The following EXOC2 variants were observed in gnomAD, a reference collection of about 807,000 sequenced individuals.
The protein encoded by EXOC2 is exocyst complex component 2.
In EXOC2, 70 loss-of-function variants were observed where a neutral mutation model predicts 131.8. That is an observed-to-expected ratio of 0.53 (90% CI 0.44 to 0.65). The LOEUF (loss-of-function observed/expected upper bound fraction) is 0.65, where lower values mean the gene tolerates loss of function less well. Among genes scored for constraint, EXOC2 ranks in the 30% least tolerant of loss-of-function variants. EXOC2 has a pLI of 0.00. For synonymous variants in EXOC2, 411 were observed against 398.4 expected (o/e 1.03, Z -0.38); for missense variants, 923 against 1,108.6 (o/e 0.83, Z 2.38).
At chr6:537,942 A>C (rs936358962) in intron 22 of EXOC2, among the ~76,000 whole-genome samples, 2 of 152,222 alleles carry the variant, frequency 1.3e-5, no homozygotes, top group Non-Finnish European at 2.9e-5. Context: ...ACAGGGCACA[A>C]GGGAAGGTTT....
At chr6:631,913 G>A (rs796784614) in intron 3 of EXOC2, among the ~76,000 whole-genome samples, 12 of 152,204 alleles carry the variant, frequency 7.9e-5, no homozygotes, top group African/African-American at 2.6e-4. Flanking sequence ...AATTTGTGGA[G>A]AACAATGCTG....
intron 25 of EXOC2, 31 bp downstream of exon 25, chr6:497,336 A>C: frequency 1.3e-6 from 2 of 1,596,658 alleles, no homozygotes; most frequent in Non-Finnish European, 1.7e-6. Context: ...TAACAACAGA[A>C]GTTCAATATG....
chr6:652,423 T>C (rs1762875643), intron 1 of EXOC2, among the ~76,000 whole-genome samples: 1 of 152,178 alleles, frequency 6.6e-6, no homozygotes, highest in Non-Finnish European at 1.5e-5. Flanking sequence ...GTTTAAGTGT[T>C]TTATCACCAA....
At chr6:541,029 CG>C (rs1397807109) in intron 22 of EXOC2, among the ~76,000 whole-genome samples, 1 of 152,154 alleles carries the variant, frequency 6.6e-6, no homozygotes, top group African/African-American at 2.4e-5. Flanking sequence ...GTATCCAAAA[CG>C]TAAGGACACG....
chr6:537,303 AGC>A (rs1766512200), intron 22 of EXOC2, among the ~76,000 whole-genome samples: 1 of 150,740 alleles, frequency 6.6e-6, no homozygotes, highest in African/African-American at 2.5e-5. Context: ...CAGCCGACGG[AGC>A]GCACACACGA....
intron 21 of EXOC2, 141 bp from the exon 22 acceptor site, chr6:549,432 C>T (rs1757032614): frequency 1.7e-6 from 1 of 597,340 alleles, no homozygotes; most frequent in African/African-American, 1.9e-5. Flanking sequence ...GCTTCTTTCC[C>T]AATATTATAA....
intron 13 of EXOC2, among the ~76,000 whole-genome samples, chr6:567,430 C>T (rs947267121): frequency 7.5e-4 from 114 of 152,236 alleles, no homozygotes; most frequent in African/African-American, 2.5e-3. Context: ...TCTTACAACC[C>T]TATTTGTTTC....
Position 690,429 on chromosome 6 carries a change from G to A in EXOC2, c.-44+2590C>T, listed in dbSNP as rs541567666. Among the ~76,000 whole-genome samples, 5 of 152,278 alleles carry A rather than the reference G, an allele frequency of 3.3e-5. No homozygotes were observed. The South Asian group carries it at 1.0e-3, about 32-fold the overall frequency. The stretch of plus-strand genomic sequence containing the variant: ...ATCGCTTTAAGATTCATAATTTCCC[G>A]GCCCGGCGCAGGGGTTCACGCCTGT... On this transcript the variant is annotated intron_variant, in intron 1 of 27. Coordinates refer to ENST00000230449, the MANE Select transcript of EXOC2 (RefSeq NM_018303.6).
rs1763028011 is a variant in EXOC2 at position 486,100 on chromosome 6, T to G, written c.*571A>C. The G allele has an allele frequency of 6.6e-6, 1 of 152,168 alleles. No homozygotes were observed. Among genetic ancestry groups the G allele is most frequent in the Admixed American group, 6.5e-5 (1 of 15,270 alleles). The allele number at this position is 152,168 out of a possible 1,614,324, so 9.4% of individuals were successfully genotyped here. On this transcript the variant is annotated 3_prime_UTR_variant, in exon 28 of 28. Transcript: ENST00000230449. ...TCACAGACACCTGGACCACAAATAA[T>G]CTACCCCAGTTGTAATATGTATTTT...
chr6:536,624 T>C (rs1766459446), intron 22 of EXOC2, among the ~76,000 whole-genome samples: 1 of 152,188 alleles, frequency 6.6e-6, no homozygotes, highest in African/African-American at 2.4e-5. Flanking sequence ...GGAAGACTCA[T>C]ACTACTTGAT....
chr6:507,088 C>CCA (rs1764581268), intron 23 of EXOC2, among the ~76,000 whole-genome samples: 1 of 135,008 alleles, frequency 7.4e-6, no homozygotes, highest in Non-Finnish European at 1.6e-5. Context: ...ACAGCAGTGA[C>CCA]TACATACACA....
chr6:632,308 G>A (rs1044418732), intron 3 of EXOC2, among the ~76,000 whole-genome samples: 2 of 152,196 alleles, frequency 1.3e-5, no homozygotes, highest in Non-Finnish European at 2.9e-5. Context: ...CATGGTAAGA[G>A]AGTCCAGGTT....
rs376119285 is a variant in EXOC2 at position 658,647 on chromosome 6, A to G, written c.-43-20786T>C. On this transcript the variant is annotated intron_variant, in intron 1 of 27. Transcript: ENST00000230449. Reference sequence around the variant, plus strand: ...TATTTAAAATATATATATATATTTTATATATATATATATATATATTTTTTT... The same window carrying G: ...TATTTAAAATATATATATATATTTTGTATATATATATATATATATTTTTTT... Among the ~76,000 whole-genome samples, 535 of 70,132 alleles carry G rather than the reference A, an allele frequency of 7.6e-3. 10 individuals carry two copies. The highest frequency in any genetic ancestry group is 0.012 in the Non-Finnish European group (400 of 32,386). 46.0% of individuals were successfully genotyped at this position (70,132 alleles called of 152,430 possible). A position where few individuals can be genotyped will look rare whatever the true frequency, so the allele number is the denominator to read the frequency against.
At chr6:494,477 A>G (rs1191875193) in intron 25 of EXOC2, among the ~76,000 whole-genome samples, 1 of 151,832 alleles carries the variant, frequency 6.6e-6, no homozygotes, top group Non-Finnish European at 1.5e-5. Flanking sequence ...TACATACTAC[A>G]CAACAGACAA....
At chr6:599,341 C>CA (rs1481951811) in intron 7 of EXOC2, 116 bp from the exon 8 acceptor site, 5 of 998,676 alleles carry the variant, frequency 5.0e-6, no homozygotes, top group Middle Eastern at 2.8e-4. Context: ...CGTTAAAACT[C>CA]AGACTGTTTT....
In EXOC2 at chr6:506,223, G is replaced by A. The variant is rs1266893299; in HGVS notation, c.2381-6523C>T. On this transcript the variant is annotated intron_variant, in intron 23 of 27. Transcript: ENST00000230449. This position sits in a 1 kb window ranked among gnomAD's most constrained non-coding sequence, Gnocchi z 4.4. Reference sequence around the variant, plus strand: ...TTTTCCAGCAATATACTGAAATAATGTCATTAGGTATTTGCTGAATGCTCC... The same window carrying A: ...TTTTCCAGCAATATACTGAAATAATATCATTAGGTATTTGCTGAATGCTCC... Among the ~76,000 whole-genome samples, 3 of 152,204 alleles carry A rather than the reference G, an allele frequency of 2.0e-5. No homozygotes were observed. Among genetic ancestry groups the A allele is most frequent in the Non-Finnish European group, 2.9e-5 (2 of 68,042 alleles).
At chr6:620,659 A>T (rs1761241827) in intron 4 of EXOC2, among the ~76,000 whole-genome samples, 1 of 152,162 alleles carries the variant, frequency 6.6e-6, no homozygotes, top group East Asian at 1.9e-4. Flanking sequence ...CTGTCTCCTC[A>T]TTACAAACAC....
At chr6:549,314 G>C (rs371303950) in intron 21 of EXOC2, 23 bp from the exon 22 acceptor site, 824 of 1,553,956 alleles carry the variant, frequency 5.3e-4, no homozygotes, top group Non-Finnish European at 6.9e-4. Context: ...CAAATGTTTA[G>C]AAAATCACCT....
Position 485,801 on chromosome 6 carries a change from C to T in EXOC2, c.*870G>A, listed in dbSNP as rs1274973506. ...AGGTAAGAAGTGGCAGAGACAGTCA[C>T]CTGCTGAAGGAGCGGGCAGGGAGTT... On this transcript the variant is annotated 3_prime_UTR_variant, in exon 28 of 28. Coordinates refer to ENST00000230449, the MANE Select transcript of EXOC2 (RefSeq NM_018303.6). 2 of 152,242 alleles carry T rather than the reference C, an allele frequency of 1.3e-5. No individual in the cohort carries two copies. Among genetic ancestry groups the T allele is most frequent in the Non-Finnish European group, 2.9e-5 (2 of 68,060 alleles). 9.4% of individuals were successfully genotyped at this position (152,242 alleles called of 1,614,324 possible).
Sources: gnomAD v4.1 joint callset for allele counts (sites outside exome capture counted in the v4.1 genomes callset) on GRCh38, gnomAD v4.1.1 for gene constraint, Gnocchi (gnomAD v3.1) non-coding constraint, MANE v1.5 for transcripts, NCBI Gene and HGNC (gene_info 2026-07-23, HGNC 2026-07-21) for gene names.